Variants in LOXHD1 observed in about 807,000 individuals in gnomAD.
The protein encoded by LOXHD1 is lipoxygenase homology PLAT domains 1, also known as lipoxygenase homology domain-containing protein 1.
Under a neutral mutation model 248.2 loss-of-function variants are expected in LOXHD1, and 205 were observed. The ratio of observed to expected loss-of-function variants is 0.83; its 90% CI spans 0.74 to 0.93. The LOEUF (loss-of-function observed/expected upper bound fraction) is 0.93, where lower values mean the gene tolerates loss of function less well. Among genes scored for constraint, LOXHD1 ranks in the 40% least tolerant of loss-of-function variants. LOXHD1 has a pLI of 0.00. For synonymous variants in LOXHD1, 1,113 were observed against 1,162.8 expected, an observed-to-expected ratio of 0.96 and a Z score of 0.87; for missense variants, 2,930 against 2,971.6, an observed-to-expected ratio of 0.99 and a Z score of 0.33.
chr18:46,555,962 A>G (rs1469306558), intron 21 of LOXHD1, among the ~76,000 whole-genome samples: 1 of 152,088 alleles, frequency 6.6e-6, no homozygotes, highest in Admixed American at 6.5e-5. Context: ...AATCGGGCCT[A>G]CCCTGCTTGC....
intron 21 of LOXHD1, chr18:46,555,228 C>G (rs530061587): frequency 1.0e-4 from 47 of 469,032 alleles, no homozygotes; most frequent in Non-Finnish European, 1.9e-4. Context: ...CTTGGATTTT[C>G]AGAACATCTT....
At chr18:46,527,851 A>G (rs764226214) in intron 29 of LOXHD1, among the ~76,000 whole-genome samples, 32 of 152,322 alleles carry the variant, frequency 2.1e-4, no homozygotes, top group Non-Finnish European at 2.4e-4. Context: ...ATTAGCAATC[A>G]TATTACTATT....
In LOXHD1 at chr18:46,507,611, A is replaced by C; in HGVS notation, c.5619T>G (p.Cys1873Trp). The C allele has an allele frequency of 6.4e-7, 1 of 1,551,748 alleles. No homozygotes were observed. The highest frequency in any genetic ancestry group is 8.7e-7 in the Non-Finnish European group (1 of 1,147,002). The change falls in exon 36 of 41, where the codon TGT (cysteine) becomes TGG (tryptophan). Residue 1873 changes from cysteine (C) to tryptophan (W), a missense_variant. Coordinates refer to ENST00000642948, the MANE Select transcript of LOXHD1 (RefSeq NM_001384474.1). ...TCATTTCTTCCTCATCGATAACGGCACACATTTCACACACCAGGGTCTTCT... is the reference window on the plus strand; with the variant it reads ...TCATTTCTTCCTCATCGATAACGGCCCACATTTCACACACCAGGGTCTTCT... The part of the protein sequence containing the change: ...KGKKTLVCEM[C>W]AVIDEEEMME...
intron 31 of LOXHD1, among the ~76,000 whole-genome samples, chr18:46,523,883 T>C (rs1005460300): frequency 6.6e-6 from 1 of 152,146 alleles, no homozygotes; most frequent in Non-Finnish European, 1.5e-5. Context: ...TGGAGGGGGA[T>C]AGCATGGTTG....
chr18:46,654,772 A>T (rs1599081698), intron 1 of LOXHD1, among the ~76,000 whole-genome samples: 1 of 152,194 alleles, frequency 6.6e-6, no homozygotes, highest in Non-Finnish European at 1.5e-5. Context: ...TCAGCATGTG[A>T]CCACCGTTAG....
chr18:46,558,507 C>T (rs902715627), intron 20 of LOXHD1, among the ~76,000 whole-genome samples: 4 of 152,102 alleles, frequency 2.6e-5, no homozygotes, highest in African/African-American at 9.7e-5. Context: ...TAAAGGAGAA[C>T]ACTGAAACGC....
chr18:46,541,396 T>TCC (rs923067681), intron 25 of LOXHD1, among the ~76,000 whole-genome samples: 2 of 152,102 alleles, frequency 1.3e-5, no homozygotes, highest in African/African-American at 4.8e-5. Context: ...ATGACTGGAG[T>TCC]AAGGATTGGT....
chr18:46,560,230 C>CT lies in LOXHD1; in HGVS notation c.2913dup (p.Glu972ArgfsTer17), dbSNP rs974766727. The CT allele has an allele frequency of 6.4e-7, 1 of 1,551,574 alleles. No individual in the cohort carries two copies. Among genetic ancestry groups the CT allele is most frequent in the African/African-American group, 1.4e-5 (1 of 73,176 alleles). On this transcript the variant is annotated frameshift_variant, in exon 19 of 41. Coordinates refer to ENST00000642948, the MANE Select transcript of LOXHD1 (RefSeq NM_001384474.1). LOFTEE classifies it high-confidence loss of function. ...CCAAACTCCTCCTCTTCCTCCTCTT[C>CT]TTCCATCTCCTCCTCCTCTGACGAG... is the stretch of plus-strand genomic sequence containing the variant.
At chr18:46,483,061 A>T (rs1025709652) in intron 40 of LOXHD1, among the ~76,000 whole-genome samples, 2 of 152,180 alleles carry the variant, frequency 1.3e-5, no homozygotes, top group African/African-American at 4.8e-5. Flanking sequence ...TTAATCTTCC[A>T]GAAATGTCTG....
chr18:46,499,261 G>A (rs2034073372), intron 37 of LOXHD1, among the ~76,000 whole-genome samples: 1 of 152,142 alleles, frequency 6.6e-6, no homozygotes, highest in African/African-American at 2.4e-5. Context: ...GGATAATCAG[G>A]GAGCTTCATG....
intron 14 of LOXHD1, among the ~76,000 whole-genome samples, chr18:46,574,524 G>T (rs1434762107): frequency 6.6e-6 from 1 of 151,184 alleles, no homozygotes; most frequent in Non-Finnish European, 1.5e-5. Flanking sequence ...GCATGCTCAG[G>T]CTCCAGTTCC....
chr18:46,516,398 T>G (rs945456755), intron 34 of LOXHD1, among the ~76,000 whole-genome samples: 2 of 151,790 alleles, frequency 1.3e-5, no homozygotes, highest in Non-Finnish European at 2.9e-5. Context: ...GAAATGGGAG[T>G]TGCAAAATGA....
intron 40 of LOXHD1, among the ~76,000 whole-genome samples, chr18:46,481,501 C>A (rs565544386): frequency 2.0e-5 from 3 of 152,294 alleles, no homozygotes; most frequent in African/African-American, 7.2e-5. Context: ...CTACCCTAGA[C>A]CCTATAGAGC....
chr18:46,656,871 A>T (rs760905703), intron 1 of LOXHD1, 33 bp downstream of exon 1: 1 of 1,548,240 alleles, frequency 6.5e-7, no homozygotes, highest in Non-Finnish European at 8.7e-7. Context: ...AGCCAGCTGC[A>T]CCACCCGCCC....
At chr18:46,652,150 A>G (rs2039119625) in intron 1 of LOXHD1, among the ~76,000 whole-genome samples, 1 of 152,232 alleles carries the variant, frequency 6.6e-6, no homozygotes, top group African/African-American at 2.4e-5. Flanking sequence ...TTATCATGTC[A>G]TTTATATGAA....
chr18:46,574,709 C>G (rs544689849), intron 14 of LOXHD1, among the ~76,000 whole-genome samples: 3 of 152,150 alleles, frequency 2.0e-5, no homozygotes, highest in Non-Finnish European at 2.9e-5. Flanking sequence ...TTCCGCCCAG[C>G]CATCAGCATC....
At chr18:46,559,699 G>A (rs1002707376) in intron 19 of LOXHD1, 97 bp from the exon 20 acceptor site, 4 of 1,334,796 alleles carry the variant, frequency 3.0e-6, no homozygotes, top group Non-Finnish European at 4.1e-6. Context: ...TCCTAGAACA[G>A]AGGGATCTTC....
intron 40 of LOXHD1, among the ~76,000 whole-genome samples, chr18:46,479,770 A>AC (rs1568065298): frequency 7.2e-6 from 1 of 139,780 alleles, no homozygotes; most frequent in African/African-American, 2.5e-5. Context: ...ACAGAAAAAA[A>AC]AAAAAACAAA....
In LOXHD1 at chr18:46,601,433, AT is replaced by A; in HGVS notation, c.917del (p.Asp306ValfsTer53). On this transcript the variant is annotated frameshift_variant, in exon 8 of 41. Coordinates refer to ENST00000642948, the MANE Select transcript of LOXHD1 (RefSeq NM_001384474.1). LOFTEE classifies it high-confidence loss of function. ...TGGATTTGGTACCAGCCCCCCGGAC[AT>A]CCCCAGTGAAGACGGTGACAATATA... ...ITYIVTVFTGDVRGAGTKSKI... is the reference protein window; with the variant it reads ...ITYIVTVFTGXVRGAGTKSKI... 6.4e-7 allele frequency: 1 copy of A among 1,551,760 alleles called. No individual in the cohort carries two copies. Among genetic ancestry groups the A allele is most frequent in the Non-Finnish European group, 8.7e-7 (1 of 1,147,018 alleles).
Sources: gnomAD v4.1 joint callset for allele counts (sites outside exome capture counted in the v4.1 genomes callset) on GRCh38, gnomAD v4.1.1 for gene constraint, MANE v1.5 for transcripts, NCBI Gene and HGNC (gene_info 2026-07-23, HGNC 2026-07-21) for gene names.